The following BCAS3 variants were observed in gnomAD, a reference collection of about 807,000 sequenced individuals.
The protein encoded by BCAS3 is BCAS4/BCAS3 fusion.
Under a neutral mutation model 116.1 loss-of-function variants are expected in BCAS3, and 53 were observed. The ratio of observed to expected loss-of-function variants is 0.46; its 90% CI spans 0.37 to 0.57. BCAS3 has a LOEUF of 0.57. BCAS3 is among the 20% of genes least tolerant of loss of function. BCAS3 has a pLI of 0.00. For synonymous variants in BCAS3, 391 were observed against 408.2 expected (o/e 0.96, Z 0.51); for missense variants, 917 against 1,165.4 (o/e 0.79, Z 3.10).
intron 22 of BCAS3, among the ~76,000 whole-genome samples, chr17:61,114,105 A>G (rs2075272104): frequency 6.7e-6 from 1 of 148,886 alleles, no homozygotes; most frequent in Middle Eastern, 3.4e-3. Context: ...AATAAGAGCT[A>G]TCTATGACAA....
At chr17:61,310,405 T>G (rs946376943) in intron 22 of BCAS3, among the ~76,000 whole-genome samples, 5 of 151,890 alleles carry the variant, frequency 3.3e-5, no homozygotes, top group Admixed American at 3.3e-4. Flanking sequence ...AATACAAAAA[T>G]TAGCCAGGTG....
chr17:61,243,047 G>A lies in BCAS3; in HGVS notation c.2426-125280G>A, dbSNP rs1194812787. Reference sequence around the variant, plus strand: ...CTGCCTCAGCCTCCCAAGTAGCTGGGACTACAGGCGCGCACCACCACACCC... The same window carrying A: ...CTGCCTCAGCCTCCCAAGTAGCTGGAACTACAGGCGCGCACCACCACACCC... On this transcript the variant is annotated intron_variant, in intron 22 of 23. Transcript: ENST00000407086. The surrounding 1 kb of genome is among the most constrained non-coding windows in gnomAD (Gnocchi z 5.6). Among the ~76,000 whole-genome samples the A allele has an allele frequency of 6.6e-6, 1 of 152,000 alleles. No individual in the cohort carries two copies. The highest frequency in any genetic ancestry group is 1.5e-5 in the Non-Finnish European group (1 of 67,988).
chr17:60,972,796 T>A (rs2062046431), intron 14 of BCAS3, among the ~76,000 whole-genome samples: 1 of 152,184 alleles, frequency 6.6e-6, no homozygotes, highest in Admixed American at 6.5e-5. Context: ...TAAAAAATGT[T>A]GAAGTACATG....
Position 61,029,686 on chromosome 17 carries a change from A to G in BCAS3, c.1638-4980A>G, listed in dbSNP as rs188216766. On this transcript the variant is annotated intron_variant, in intron 16 of 23. Transcript: ENST00000407086. The surrounding 1 kb of genome is among the most constrained non-coding windows in gnomAD (Gnocchi z 5.2). ...GACAGGTAGACAATGGGTAGTCCAT[A>G]TAAGTATATTTCTTCCTCATAAAAT... is the stretch of plus-strand genomic sequence containing the variant. Among the ~76,000 whole-genome samples, 3 of 152,106 alleles carry G rather than the reference A, an allele frequency of 2.0e-5. No homozygotes were observed. The highest frequency in any genetic ancestry group is 6.6e-5 in the Admixed American group (1 of 15,256).
chr17:61,303,448 GA>G (rs1199702540), intron 22 of BCAS3, among the ~76,000 whole-genome samples: 1 of 152,202 alleles, frequency 6.6e-6, no homozygotes, highest in Non-Finnish European at 1.5e-5. Context: ...AATAGAGTTT[GA>G]GTACTGATCT....
intron 4 of BCAS3, among the ~76,000 whole-genome samples, chr17:60,693,488 C>T (rs1598088615): frequency 1.3e-5 from 2 of 151,234 alleles, no homozygotes; most frequent in Non-Finnish European, 2.9e-5. Context: ...GAACTTGGCT[C>T]ACTGCAGCCC....
chr17:60,917,692 C>T (rs912415880), intron 12 of BCAS3, among the ~76,000 whole-genome samples: 1 of 152,002 alleles, frequency 6.6e-6, no homozygotes, highest in Non-Finnish European at 1.5e-5. Flanking sequence ...CTCTTGGGTT[C>T]AAGCGATTCT....
At chr17:60,807,309 A>G (rs2048364414) in intron 6 of BCAS3, among the ~76,000 whole-genome samples, 1 of 152,114 alleles carries the variant, frequency 6.6e-6, no homozygotes, top group African/African-American at 2.4e-5. Context: ...GCAACTATGT[A>G]TATCAATGGG....
At chr17:61,172,630 C>G (rs2078909066) in intron 22 of BCAS3, among the ~76,000 whole-genome samples, 2 of 151,226 alleles carry the variant, frequency 1.3e-5, no homozygotes, top group South Asian at 4.2e-4. Context: ...GAGCGAGACT[C>G]CGTCTCAAAA....
intron 13 of BCAS3, 137 bp downstream of exon 13, chr17:60,924,637 T>C (rs1181839373): frequency 7.1e-6 from 4 of 561,060 alleles, no homozygotes; most frequent in Non-Finnish European, 1.2e-5. Flanking sequence ...TAAGTCATTA[T>C]ATTGAATAAA....
intron 15 of BCAS3, among the ~76,000 whole-genome samples, chr17:61,006,138 C>T (rs1039564850): frequency 6.6e-6 from 1 of 151,948 alleles, no homozygotes; most frequent in Non-Finnish European, 1.5e-5. Flanking sequence ...CATCATTTTT[C>T]ATGGCTGCAT....
At chr17:61,321,406 C>T (rs554587071) in intron 22 of BCAS3, among the ~76,000 whole-genome samples, 12 of 152,352 alleles carry the variant, frequency 7.9e-5, no homozygotes, top group Non-Finnish European at 1.3e-4. Context: ...TGGGGAAGCT[C>T]ATGACCTGTT....
At chr17:60,722,998 G>A (rs74567185) in intron 5 of BCAS3, among the ~76,000 whole-genome samples, 4,465 of 152,070 alleles carry the variant, frequency 0.029, 246 homozygotes, top group African/African-American at 0.1. Context: ...CTATGATCAC[G>A]TTACTGCCCT....
chr17:61,070,777 A>G (rs930615232), intron 19 of BCAS3, among the ~76,000 whole-genome samples: 1 of 152,158 alleles, frequency 6.6e-6, no homozygotes, highest in Non-Finnish European at 1.5e-5. Flanking sequence ...AACATTAGAA[A>G]GAATTACTTG....
intron 18 of BCAS3, 83 bp from the exon 19 acceptor site, chr17:61,040,709 C>T: frequency 1.8e-6 from 2 of 1,100,172 alleles, no homozygotes; most frequent in Non-Finnish European, 2.7e-6. Context: ...GTTTAAGTCA[C>T]TGTTCATAAG....
chr17:61,108,314 T>TA (rs753723757), intron 22 of BCAS3, among the ~76,000 whole-genome samples: 113 of 152,314 alleles, frequency 7.4e-4, no homozygotes, highest in Non-Finnish European at 1.4e-3. Context: ...TTATATTTGA[T>TA]ATGTTTTAAA....
intron 6 of BCAS3, among the ~76,000 whole-genome samples, chr17:60,769,461 C>G (rs1185840137): frequency 6.6e-6 from 1 of 152,218 alleles, no homozygotes; most frequent in Non-Finnish European, 1.5e-5. Context: ...CCTCATTTCT[C>G]TCCTTGGCCT....
At chr17:61,247,939 T>C (rs986212455) in intron 22 of BCAS3, among the ~76,000 whole-genome samples, 12 of 152,218 alleles carry the variant, frequency 7.9e-5, no homozygotes, top group Non-Finnish European at 2.9e-5. Flanking sequence ...GCAGCCGCAC[T>C]TGTGGTTACA....
rs544009442 is a variant in BCAS3 at position 61,077,374 on chromosome 17, G to A, written c.2131-959G>A. Among the ~76,000 whole-genome samples, 12 of 152,146 alleles carry A rather than the reference G, an allele frequency of 7.9e-5. No individual in the cohort carries two copies. Among genetic ancestry groups the A allele is most frequent in the South Asian group, 2.1e-4 (1 of 4,808 alleles). The stretch of plus-strand genomic sequence containing the variant: ...CTACTAAAAATACAAAAAATTAGCC[G>A]GGCGTGGTGGCGGGCGCCTGTAGTC... On this transcript the variant is annotated intron_variant, in intron 20 of 23. Transcript: ENST00000407086. This position sits in a 1 kb window ranked among gnomAD's most constrained non-coding sequence, Gnocchi z 4.3.
Sources: gnomAD v4.1 joint callset for allele counts (sites outside exome capture counted in the v4.1 genomes callset) on GRCh38, gnomAD v4.1.1 for gene constraint, Gnocchi (gnomAD v3.1) non-coding constraint, MANE v1.5 for transcripts, NCBI Gene and HGNC (gene_info 2026-07-23, HGNC 2026-07-21) for gene names.